The following TRAPPC12 variants were observed in gnomAD, a reference collection of about 807,000 sequenced individuals.
TRAPPC12 encodes trafficking protein particle complex subunit 12.
A neutral mutation model predicts 69.2 loss-of-function variants in TRAPPC12; 61 were observed. That is an observed-to-expected ratio of 0.88 (90% CI 0.72 to 1.09). TRAPPC12 has a LOEUF of 1.09. TRAPPC12 is among the 50% of genes least tolerant of loss of function. The pLI is 0.00. For synonymous variants in TRAPPC12, 469 were observed against 438.9 expected (o/e 1.07, Z -0.86); for missense variants, 1,101 against 1,016.4 (o/e 1.08, Z -1.13).
At chr2:3,405,358 A>G (rs1030955463) in intron 3 of TRAPPC12, among the ~76,000 whole-genome samples, 1 of 152,110 alleles carries the variant, frequency 6.6e-6, no homozygotes, top group South Asian at 2.1e-4. Context: ...TGTCCCTTAC[A>G]CAGTCCGCAC....
intron 3 of TRAPPC12, among the ~76,000 whole-genome samples, chr2:3,412,105 G>C (rs1013584870): frequency 5.3e-5 from 8 of 152,178 alleles, no homozygotes; most frequent in African/African-American, 1.9e-4. Context: ...TGAATTTACT[G>C]TCTGTTCCAC....
In TRAPPC12 at chr2:3,477,680, A is replaced by C. The variant is rs73910562; in HGVS notation, c.1777-15A>C. The C allele has an allele frequency of 2.5e-3, 3,934 of 1,567,272 alleles. 103 individuals carry two copies. The African/African-American group carries it at 0.047, about 19-fold the overall frequency. Reference sequence around the variant, plus strand: ...TTCTTTTGTCAACTAAACTGACTAAATTTTGTCAAAGCAGATTGGAGACAT... The same window carrying C: ...TTCTTTTGTCAACTAAACTGACTAACTTTTGTCAAAGCAGATTGGAGACAT... On this transcript the variant is annotated splice_polypyrimidine_tract_variant and intron_variant, in intron 9 of 11. Transcript: ENST00000324266.
rs556658584 is a variant in TRAPPC12, at chr2:3,466,428, C to T, written c.1776+733C>T. ...GCCCTGCGCTGAGCATTTCACCTCA[C>T]GGTGTGACTGGCTTGTTTTACAGAT... On this transcript the variant is annotated intron_variant, in intron 9 of 11. Coordinates refer to ENST00000324266, the MANE Select transcript of TRAPPC12 (RefSeq NM_016030.6). The T allele has an allele frequency of 1.3e-4, 62 of 468,568 alleles. No homozygotes were observed. The Middle Eastern group carries it at 2.0e-3, about 15-fold the overall frequency. The allele number at this position is 468,568 out of a possible 1,614,324, so 29.0% of individuals were successfully genotyped here. A position where few individuals can be genotyped will look rare whatever the true frequency, so the allele number is the denominator to read the frequency against.
chr2:3,460,050 T>C (rs1665401311), intron 7 of TRAPPC12: 1 of 633,180 alleles, frequency 1.6e-6, no homozygotes, highest in African/African-American at 1.8e-5. Flanking sequence ...ATGCCGAGGG[T>C]CTCTTCCCAA....
Position 3,406,189 on chromosome 2 carries a change from C to T in TRAPPC12, c.1164+4296C>T, listed in dbSNP as rs114553421. On this transcript the variant is annotated intron_variant, in intron 3 of 11. Coordinates refer to ENST00000324266, the MANE Select transcript of TRAPPC12 (RefSeq NM_016030.6). The stretch of plus-strand genomic sequence containing the variant: ...TGTGGAACTGTCACTCACATGGTCA[C>T]GCAACATACACACACAGGTCTGTAC... Among the ~76,000 whole-genome samples the T allele has an allele frequency of 1.7e-3, 252 of 152,306 alleles. 3 individuals carry two copies. The highest frequency in any genetic ancestry group is 3.1e-3 in the Non-Finnish European group (213 of 68,028).
At chr2:3,392,464 A>G (rs150048920) in intron 2 of TRAPPC12, among the ~76,000 whole-genome samples, 1 of 152,338 alleles carries the variant, frequency 6.6e-6, no homozygotes, top group African/African-American at 2.4e-5. Context: ...TGCAGCCACA[A>G]CACTGCAGAG....
chr2:3,442,873 C>T (rs552256754), intron 5 of TRAPPC12, among the ~76,000 whole-genome samples: 100 of 152,262 alleles, frequency 6.6e-4, no homozygotes, highest in African/African-American at 1.6e-3. Context: ...GAATATTCAT[C>T]GCTTAGGCCT....
intron 9 of TRAPPC12, among the ~76,000 whole-genome samples, chr2:3,471,502 CAG>C (rs1270681034): frequency 1.3e-5 from 2 of 152,166 alleles, no homozygotes; most frequent in East Asian, 3.9e-4. Context: ...CTTCATCACA[CAG>C]AGCCTCCTTT....
At chr2:3,446,794 A>T (rs945395224) in intron 6 of TRAPPC12, among the ~76,000 whole-genome samples, 1 of 152,182 alleles carries the variant, frequency 6.6e-6, no homozygotes, top group Non-Finnish European at 1.5e-5. Context: ...GCAGTTCGGG[A>T]CTCAACAGAA....
chr2:3,386,874 A>G (rs1289830537), intron 1 of TRAPPC12, among the ~76,000 whole-genome samples: 1 of 152,192 alleles, frequency 6.6e-6, no homozygotes, highest in East Asian at 1.9e-4. Context: ...TGAAATAAAA[A>G]CAAAATAACA....
intron 3 of TRAPPC12, among the ~76,000 whole-genome samples, chr2:3,404,692 T>C (rs1461794046): frequency 6.6e-6 from 1 of 152,040 alleles, no homozygotes; most frequent in Non-Finnish European, 1.5e-5. Context: ...CCAGTGCATC[T>C]GAGGACCCAG....
intron 3 of TRAPPC12, among the ~76,000 whole-genome samples, chr2:3,402,101 A>G (rs1661474980): frequency 6.6e-6 from 1 of 152,222 alleles, no homozygotes; most frequent in African/African-American, 2.4e-5. Context: ...TTAAAAAGCC[A>G]TTATTGGAAA....
chr2:3,434,532 A>G (rs1663642506), intron 5 of TRAPPC12, among the ~76,000 whole-genome samples: 2 of 152,226 alleles, frequency 1.3e-5, no homozygotes, highest in South Asian at 4.1e-4. Flanking sequence ...TGCTCCAGCT[A>G]TTGCTAAGAA....
chr2:3,391,389 G>T (rs1660817694), intron 2 of TRAPPC12, among the ~76,000 whole-genome samples: 1 of 152,160 alleles, frequency 6.6e-6, no homozygotes, highest in Admixed American at 6.6e-5. Flanking sequence ...ATTGATAGAT[G>T]GCTGAGACCT....
intron 9 of TRAPPC12, among the ~76,000 whole-genome samples, chr2:3,466,097 C>T (rs1177955753): frequency 2.0e-5 from 3 of 152,222 alleles, no homozygotes; most frequent in East Asian, 1.9e-4. Flanking sequence ...AAAGTCCAGA[C>T]TGAACAGTGG....
chr2:3,389,262 T>C (rs535124642), intron 2 of TRAPPC12, among the ~76,000 whole-genome samples: 43 of 152,320 alleles, frequency 2.8e-4, no homozygotes, highest in African/African-American at 9.9e-4. Flanking sequence ...TCGGCCCAGG[T>C]TCGCCCACTA....
intron 5 of TRAPPC12, among the ~76,000 whole-genome samples, chr2:3,427,183 A>G (rs1042750260): frequency 1.3e-5 from 2 of 152,116 alleles, no homozygotes; most frequent in Admixed American, 6.5e-5. Context: ...GTTTTCCCCC[A>G]TCCCAGCATA....
At chr2:3,408,752 C>G (rs1467075388) in intron 3 of TRAPPC12, among the ~76,000 whole-genome samples, 1 of 152,180 alleles carries the variant, frequency 6.6e-6, no homozygotes, top group East Asian at 1.9e-4. Flanking sequence ...AAAAGACATT[C>G]AAGAATGTTT....
At chr2:3,475,595 G>A (rs1172646151) in intron 9 of TRAPPC12, among the ~76,000 whole-genome samples, 1 of 151,944 alleles carries the variant, frequency 6.6e-6, no homozygotes, top group Non-Finnish European at 1.5e-5. Flanking sequence ...CTAATCATCA[G>A]GAAAGTCAGT....
Sources: allele counts gnomAD v4.1 joint callset (sites outside exome capture counted in the v4.1 genomes callset), GRCh38; gene constraint gnomAD v4.1.1; transcripts MANE v1.5; gene names NCBI Gene and HGNC (gene_info 2026-07-23, HGNC 2026-07-21).